The following KLF12 variants were observed in gnomAD, a reference collection of about 807,000 sequenced individuals.
The protein encoded by KLF12 is KLF transcription factor 12, also known as Krueppel-like factor 12.
In KLF12, 9 loss-of-function variants were observed where a neutral mutation model predicts 37.8. That is an observed-to-expected ratio of 0.24 (90% confidence interval 0.14 to 0.42). KLF12 has a LOEUF of 0.42. KLF12 is among the 10% of genes least tolerant of loss of function. The pLI, the probability that KLF12 is intolerant of heterozygous loss-of-function variation, is 1.00. For missense variants in KLF12, 411 were observed against 516.0 expected, an observed-to-expected ratio of 0.80 and a Z score of 1.97; for synonymous variants, 208 against 202.1, an observed-to-expected ratio of 1.03 and a Z score of -0.25.
the KLF12 span, among the ~76,000 whole-genome samples, chr13:74,164,274 C>T: frequency 6.6e-6 from 1 of 152,042 alleles, no homozygotes; most frequent in African/African-American, 2.4e-5. Flanking sequence ...TATGACTTTA[C>T]ATATTTCTGA....
rs1336697077 is a variant in KLF12 at position 73,745,097 on chromosome 13, T to C, written c.869+19841A>G. On this transcript the variant is annotated intron_variant, in intron 6 of 7. Coordinates refer to ENST00000377669, the MANE Select transcript of KLF12 (RefSeq NM_007249.5). The stretch of plus-strand genomic sequence containing the variant: ...AAATAACTTATTTATTCATTTATTG[T>C]TTATAAGAATTTGTGGTTAATGCAT... 2.6e-5 allele frequency among the ~76,000 whole-genome samples: 4 copies of C among 152,214 alleles called. No individual in the cohort carries two copies. In the East Asian group the frequency reaches 5.8e-4, roughly 22 times the overall value.
At chr13:74,141,999 G>T in the KLF12 span, among the ~76,000 whole-genome samples, 1 of 152,106 alleles carries the variant, frequency 6.6e-6, no homozygotes, top group South Asian at 2.1e-4. Flanking sequence ...TATACCATTG[G>T]CTTACAAGTT....
intron 2 of KLF12, among the ~76,000 whole-genome samples, chr13:73,960,859 C>A (rs1388295855): frequency 5.9e-5 from 9 of 152,046 alleles, no homozygotes; most frequent in Non-Finnish European, 1.3e-4. Context: ...TGACAATAGA[C>A]AAATGGACAC....
chr13:73,759,385 T>C (rs1268273834), intron 6 of KLF12, among the ~76,000 whole-genome samples: 1 of 152,142 alleles, frequency 6.6e-6, no homozygotes. Flanking sequence ...AAAATCAATA[T>C]TATCTATAAA....
At chr13:74,275,806 C>CTTT in the KLF12 span, among the ~76,000 whole-genome samples, 21 of 79,602 alleles carry the variant, frequency 2.6e-4, no homozygotes, top group East Asian at 1.0e-3. Context: ...TTCTTTCTTT[C>CTTT]CTTCTTTCTT....
chr13:74,181,655 C>T, the KLF12 span, among the ~76,000 whole-genome samples: 3 of 147,324 alleles, frequency 2.0e-5, no homozygotes, highest in Non-Finnish European at 4.5e-5. Context: ...GCCAAGATCG[C>T]ACCACTGCAC....
chr13:74,081,975 A>T (rs1280131062), intron 1 of KLF12, among the ~76,000 whole-genome samples: 3 of 152,076 alleles, frequency 2.0e-5, no homozygotes, highest in Non-Finnish European at 4.4e-5. Flanking sequence ...ATTGTTACCT[A>T]ATTAAAAGTA....
chr13:74,245,926 C>T, the KLF12 span, among the ~76,000 whole-genome samples: 9,695 of 152,218 alleles, frequency 0.064, 832 homozygotes, highest in African/African-American at 0.19. Context: ...CTAAATTGAT[C>T]GCATGGCAAA....
chr13:74,192,978 T>C, the KLF12 span, among the ~76,000 whole-genome samples: 1 of 145,846 alleles, frequency 6.9e-6, no homozygotes, highest in Admixed American at 6.8e-5. Flanking sequence ...GAACTTTTTC[T>C]GTTTTTTTTT....
chr13:73,938,324 T>A (rs1365060836), intron 3 of KLF12, among the ~76,000 whole-genome samples: 1 of 152,198 alleles, frequency 6.6e-6, no homozygotes. Context: ...CCCCTAATGC[T>A]ACTGAATTTT....
At chr13:73,728,180 G>A (rs1165123134) in intron 6 of KLF12, among the ~76,000 whole-genome samples, 3 of 152,078 alleles carry the variant, frequency 2.0e-5, no homozygotes, top group African/African-American at 7.2e-5. Context: ...CATATCTTTT[G>A]TTAAATATGT....
At chr13:74,222,280 C>T in the KLF12 span, among the ~76,000 whole-genome samples, 3 of 152,204 alleles carry the variant, frequency 2.0e-5, no homozygotes, top group East Asian at 3.8e-4. Context: ...ATTTGGCATT[C>T]TCCTCAGGGT....
rs191023200 is a variant in KLF12 at position 73,861,952 on chromosome 13, G to A, written c.124-15579C>T. ...GTGTTTATTACCTATATATACAAAT[G>A]TGTGTGTCTACGTGTTCCTAGCCCT... On this transcript the variant is annotated intron_variant, in intron 3 of 7. Transcript: ENST00000377669. Among the ~76,000 whole-genome samples the A allele has an allele frequency of 2.0e-5, 3 of 152,046 alleles. No individual in the cohort carries two copies. The East Asian group carries it at 5.8e-4, about 29-fold the overall frequency.
chr13:74,190,320 C>A, the KLF12 span, among the ~76,000 whole-genome samples: 74 of 152,188 alleles, frequency 4.9e-4, 1 homozygote, highest in African/African-American at 1.7e-3. Flanking sequence ...AAGAAGCAAG[C>A]GGTTTTATTT....
intron 1 of KLF12, among the ~76,000 whole-genome samples, chr13:74,042,906 A>T (rs746783793): frequency 6.6e-6 from 1 of 152,190 alleles, no homozygotes; most frequent in African/African-American, 2.4e-5. Flanking sequence ...TCAATATCCC[A>T]GGAGACACAG....
the KLF12 span, among the ~76,000 whole-genome samples, chr13:74,219,797 C>T: frequency 6.6e-6 from 1 of 152,060 alleles, no homozygotes; most frequent in South Asian, 2.1e-4. Context: ...AGTCAGCTGT[C>T]AGTGTAATTG....
the KLF12 span, among the ~76,000 whole-genome samples, chr13:74,243,356 G>C: frequency 0.015 from 2,240 of 152,140 alleles, 71 homozygotes; most frequent in African/African-American, 0.05. Context: ...GTCTATCATT[G>C]ATGGGCATTT....
intron 1 of KLF12, among the ~76,000 whole-genome samples, chr13:74,123,259 G>C (rs902459467): frequency 1.2e-4 from 18 of 152,066 alleles, no homozygotes; most frequent in East Asian, 3.8e-4. Flanking sequence ...TGTGCAAAAA[G>C]TTTTTGAAAG....
the KLF12 span, among the ~76,000 whole-genome samples, chr13:74,240,838 C>G: frequency 1.0e-4 from 15 of 143,476 alleles, no homozygotes; most frequent in African/African-American, 3.9e-4. Flanking sequence ...TCTAGTTATA[C>G]ATTCTTCTAA....
Sources: gnomAD v4.1 joint callset for allele counts (sites outside exome capture counted in the v4.1 genomes callset) on GRCh38, gnomAD v4.1.1 for gene constraint, MANE v1.5 for transcripts, NCBI Gene and HGNC (gene_info 2026-07-23, HGNC 2026-07-21) for gene names.